Variants in CLPTM1L observed in about 807,000 individuals in gnomAD.
The protein encoded by CLPTM1L is lipid scramblase CLPTM1L.
CLPTM1L carries 38 observed loss-of-function variants against 70.9 expected under a neutral mutation model. That is an observed-to-expected ratio of 0.54 (90% CI 0.41 to 0.70). The LOEUF (loss-of-function observed/expected upper bound fraction) is 0.70. Ranked by LOEUF, CLPTM1L falls within the 30% of genes least tolerant of loss-of-function variation. The pLI is 0.00. For synonymous variants in CLPTM1L, 339 were observed against 299.9 expected (o/e 1.13, Z -1.35); for missense variants, 652 against 705.9 (o/e 0.92, Z 0.87).
chr5:1,335,275 T>C, intron 5 of CLPTM1L, 101 bp from the exon 6 acceptor site: 2 of 849,786 alleles, frequency 2.4e-6, no homozygotes, highest in Non-Finnish European at 2.0e-6. Context: ...CATCCCTGTG[T>C]GGCCCCAGGT....
intron 7 of CLPTM1L, among the ~76,000 whole-genome samples, chr5:1,333,263 G>A (rs1173964732): frequency 1.1e-4 from 12 of 109,718 alleles, no homozygotes; most frequent in Non-Finnish European, 1.8e-4. Context: ...GATAAGGGGG[G>A]ACTACTGTAT....
chr5:1,323,641 G>A (rs1462355683), intron 12 of CLPTM1L, 146 bp downstream of exon 12: 4 of 652,594 alleles, frequency 6.1e-6, no homozygotes, highest in South Asian at 3.5e-5. Context: ...ACCGTGTGCA[G>A]CTGCAGGGGC....
Position 1,341,666 on chromosome 5 carries a change from C to G in CLPTM1L, c.453+5G>C. The G allele has an allele frequency of 6.3e-7, 1 of 1,599,860 alleles. No individual in the cohort carries two copies. The highest frequency in any genetic ancestry group is 8.6e-7 in the Non-Finnish European group (1 of 1,168,944). ...CTGTTATCAGTAACCCATGAAGACC[C>G]TCACCTGTGTATCAGACTCCCCGGT... On this transcript the variant is annotated splice_donor_5th_base_variant and intron_variant, in intron 3 of 16. Coordinates refer to ENST00000320895, the MANE Select transcript of CLPTM1L (RefSeq NM_030782.5).
intron 10 of CLPTM1L, 167 bp downstream of exon 10, chr5:1,325,584 G>A (rs899122270): frequency 3.3e-5 from 22 of 656,974 alleles, no homozygotes; most frequent in South Asian, 1.1e-4. Flanking sequence ...ATCCTCAGGC[G>A]AAGAGAGTGG....
intron 8 of CLPTM1L, chr5:1,330,953 C>T (rs1216269622): frequency 7.2e-5 from 11 of 152,988 alleles, no homozygotes; most frequent in Admixed American, 7.2e-4. Flanking sequence ...CAACGCAGAA[C>T]ACGGCACGGC....
chr5:1,325,687 C>T (rs186758049), intron 10 of CLPTM1L, 64 bp downstream of exon 10: 27 of 1,411,620 alleles, frequency 1.9e-5, no homozygotes, highest in Non-Finnish European at 2.7e-5. Flanking sequence ...TTACTCTTTG[C>T]ACAGGGGGCA....
chr5:1,328,906 G>A (rs1752862344), intron 9 of CLPTM1L, among the ~76,000 whole-genome samples: 1 of 150,796 alleles, frequency 6.6e-6, no homozygotes. Flanking sequence ...CTCCTCTACA[G>A]ACACATTTCA....
At chr5:1,344,217 A>G (rs1292270294) in intron 2 of CLPTM1L, 134 bp downstream of exon 2, 1 of 689,536 alleles carries the variant, frequency 1.5e-6, no homozygotes, top group African/African-American at 1.8e-5. Context: ...CAGTTAGGAT[A>G]TTCTACCACT....
intron 7 of CLPTM1L, among the ~76,000 whole-genome samples, chr5:1,333,985 T>A (rs1753378424): frequency 6.6e-6 from 1 of 152,096 alleles, no homozygotes. Context: ...CTCATTGGTG[T>A]GGACACTGCT....
At chr5:1,335,667 C>T (rs1753531808) in intron 5 of CLPTM1L, among the ~76,000 whole-genome samples, 1 of 152,226 alleles carries the variant, frequency 6.6e-6, no homozygotes, top group Admixed American at 6.5e-5. Flanking sequence ...GTGGGGACAA[C>T]AGAAAGCTTC....
Position 1,329,160 on chromosome 5 carries a change from C to T in CLPTM1L, c.1080+1120G>A, listed in dbSNP as rs574795339. Among the ~76,000 whole-genome samples the T allele has an allele frequency of 4.6e-5, 7 of 152,380 alleles. No individual in the cohort carries two copies. In the East Asian group the frequency reaches 7.7e-4, roughly 17 times the overall value. ...TGGGCCCTCTCACCCTGAAGGCCATCGCCCCCCTCAAGGGTTTGCTCCTGA... is the reference window on the plus strand; with the variant it reads ...TGGGCCCTCTCACCCTGAAGGCCATTGCCCCCCTCAAGGGTTTGCTCCTGA... On this transcript the variant is annotated intron_variant, in intron 9 of 16. Transcript: ENST00000320895.
chr5:1,322,078 G>A (rs771673472), intron 13 of CLPTM1L, among the ~76,000 whole-genome samples: 1 of 152,210 alleles, frequency 6.6e-6, no homozygotes. Flanking sequence ...TGCTGCCCAC[G>A]GGGTCAAGTC....
In CLPTM1L at chr5:1,335,127, G is replaced by T; in HGVS notation, c.726C>A (p.Asp242Glu). 1 of 1,613,746 alleles carries T rather than the reference G, an allele frequency of 6.2e-7. No homozygotes were observed. The highest frequency in any genetic ancestry group is 1.1e-5 in the South Asian group (1 of 91,086). The change falls in exon 6 of 17, where the codon GAC becomes GAA. Residue 242 changes from aspartate (D) to glutamate (E), a missense_variant. Around this residue, in one of 3 missense-constraint regions of CLPTM1L, gnomAD observed 402 missense variants for 388.2 expected, o/e 1.04. Transcript: ENST00000320895. ...TTELPLTVSY[D>E]KVSLGRLRFW... ...AGCGCAGCCGCCCCAGTGAGACCTT[G>T]TCGTAGGACACGGTGAGGGGCAGCT...
intron 7 of CLPTM1L, among the ~76,000 whole-genome samples, chr5:1,333,098 T>C (rs1753234390): frequency 1.5e-5 from 1 of 68,416 alleles, no homozygotes; most frequent in Non-Finnish European, 2.8e-5. Context: ...CGGATGAGGA[T>C]AAGGGGGGAC....
At chr5:1,325,400 G>A in intron 10 of CLPTM1L, 1 of 340,256 alleles carries the variant, frequency 2.9e-6, no homozygotes, top group Non-Finnish European at 5.4e-6. Flanking sequence ...CTTCAGGACT[G>A]CCAGGACTGT....
At chr5:1,336,250 T>A (rs980663586) in intron 5 of CLPTM1L, among the ~76,000 whole-genome samples, 1 of 152,206 alleles carries the variant, frequency 6.6e-6, no homozygotes, top group African/African-American at 2.4e-5. Flanking sequence ...ACCTGCTGCA[T>A]CCCAGCTGCC....
At chr5:1,338,826 C>G (rs374424814) in intron 4 of CLPTM1L, 34 bp downstream of exon 4, 115 of 1,609,164 alleles carry the variant, frequency 7.1e-5, no homozygotes, top group Non-Finnish European at 8.9e-5. Context: ...CCAGCACCCT[C>G]CCCCCGGCGC....
At position 1,321,683 on chromosome 5, in the gene CLPTM1L, A is replaced by G. The variant is rs761192702; in HGVS notation, c.1372-4T>C. 6.2e-7 allele frequency: 1 copy of G among 1,614,028 alleles called. No individual in the cohort carries two copies. Among genetic ancestry groups the G allele is most frequent in the Admixed American group, 1.7e-5 (1 of 60,036 alleles). Reference sequence around the variant, plus strand: ...GCAGATGTGCCACTGACTTCAACTGAAACAGGAGAGACAGGCCCAGGTCAG... The same window carrying G: ...GCAGATGTGCCACTGACTTCAACTGGAACAGGAGAGACAGGCCCAGGTCAG... On this transcript the variant is annotated splice_region_variant and splice_polypyrimidine_tract_variant and intron_variant, in intron 14 of 16. Coordinates refer to ENST00000320895, the MANE Select transcript of CLPTM1L (RefSeq NM_030782.5).
At chr5:1,343,001 G>C (rs988581276) in intron 2 of CLPTM1L, among the ~76,000 whole-genome samples, 12 of 152,198 alleles carry the variant, frequency 7.9e-5, no homozygotes, top group Non-Finnish European at 1.5e-4. Context: ...GACCAGCCCA[G>C]CCAACATGGT....
Sources: allele counts gnomAD v4.1 joint callset (sites outside exome capture counted in the v4.1 genomes callset), GRCh38; gene constraint gnomAD v4.1.1; regional missense constraint gnomAD v4.1.1; transcripts MANE v1.5; gene names NCBI Gene and HGNC (gene_info 2026-07-23, HGNC 2026-07-21).